CFAP52: variants seen among roughly 807,000 people sequenced by gnomAD.
CFAP52 encodes the protein cilia and flagella associated protein 52, also known as cilia- and flagella-associated protein 52.
Under a neutral mutation model 70.5 loss-of-function variants are expected in CFAP52, and 57 were observed. The observed-to-expected ratio is 0.81, with a 90% confidence interval of 0.65 to 1.01. The LOEUF (loss-of-function observed/expected upper bound fraction) is 1.01. Among genes scored for constraint, CFAP52 ranks in the 50% least tolerant of loss-of-function variants. The pLI is 0.00. For missense variants in CFAP52, 785 were observed against 788.5 expected (o/e 1.00, Z 0.05); for synonymous variants, 267 against 292.5 (o/e 0.91, Z 0.89).
chr17:9,616,086 A>T (rs1240724295), intron 8 of CFAP52, among the ~76,000 whole-genome samples: 1 of 150,714 alleles, frequency 6.6e-6, no homozygotes, highest in Non-Finnish European at 1.5e-5. Flanking sequence ...CATCTGAGGT[A>T]CCGGGTTCAT....
At position 9,585,974 on chromosome 17, in the gene CFAP52, T is replaced by C; in HGVS notation, c.270+2T>C. 1 of 1,613,496 alleles carries C rather than the reference T, an allele frequency of 6.2e-7. No homozygotes were observed. Reference sequence around the variant, plus strand: ...CAAGTCACATTCATGGGGTTCAAGGTGAATACAGTGAAAACGACTCATTGT... The same window carrying C: ...CAAGTCACATTCATGGGGTTCAAGGCGAATACAGTGAAAACGACTCATTGT... On this transcript the variant is annotated splice_donor_variant, in intron 2 of 13. Transcript: ENST00000352665. LOFTEE classifies it high-confidence loss of function.
At chr17:9,629,095 T>G (rs1910350406) in intron 9 of CFAP52, among the ~76,000 whole-genome samples, 1 of 152,196 alleles carries the variant, frequency 6.6e-6, no homozygotes. Flanking sequence ...AGTTCAATTT[T>G]GAAAAGGAGT....
At chr17:9,613,162 A>C (rs140028264) in intron 8 of CFAP52, among the ~76,000 whole-genome samples, 224 of 151,180 alleles carry the variant, frequency 1.5e-3, no homozygotes, top group Middle Eastern at 0.01. Context: ...CTTTCCTGTC[A>C]TTTGTACCTC....
rs559346302 is a variant in CFAP52, at chr17:9,616,164, G to A, written c.1025+3685G>A. Among the ~76,000 whole-genome samples, 22 of 151,410 alleles carry A rather than the reference G, an allele frequency of 1.5e-4. No homozygotes were observed. The East Asian group carries it at 4.3e-3, about 30-fold the overall frequency. On this transcript the variant is annotated intron_variant, in intron 8 of 13. Transcript: ENST00000352665. ...CGCGCACCGTGCGCGAGCCGAAGCA[G>A]GTCGAGGCATTGCCTCACCTGGGAA...
intron 1 of CFAP52, among the ~76,000 whole-genome samples, chr17:9,580,449 A>C (rs901607916): frequency 1.3e-5 from 2 of 152,064 alleles, no homozygotes; most frequent in Admixed American, 6.6e-5. Flanking sequence ...GCACTTTGGG[A>C]GGTTGAGGCA....
chr17:9,631,030 G>GAA (rs764569895), intron 9 of CFAP52, among the ~76,000 whole-genome samples: 2,011 of 58,916 alleles, frequency 0.034, 34 homozygotes, highest in Middle Eastern at 0.07. Flanking sequence ...AAGAAAGAAA[G>GAA]AGAGAGAGAG....
chr17:9,590,505 GAA>G (rs1908697216), intron 3 of CFAP52: 1 of 162,940 alleles, frequency 6.1e-6, no homozygotes, highest in Non-Finnish European at 1.4e-5. Flanking sequence ...TGCAGCGAAA[GAA>G]AAGAGTTCCA....
At chr17:9,597,462 A>G (rs986195468) in intron 4 of CFAP52, 1 of 152,166 alleles carries the variant, frequency 6.6e-6, no homozygotes, top group Non-Finnish European at 1.5e-5. Context: ...TATGTATATA[A>G]ACATCATGAT....
At chr17:9,591,833 G>A (rs994136798) in intron 3 of CFAP52, among the ~76,000 whole-genome samples, 3 of 151,974 alleles carry the variant, frequency 2.0e-5, no homozygotes, top group South Asian at 2.1e-4. Flanking sequence ...AGTGGTGATC[G>A]TGCCACTGCA....
chr17:9,592,907 A>G (rs1908829665), intron 3 of CFAP52, among the ~76,000 whole-genome samples: 1 of 152,158 alleles, frequency 6.6e-6, no homozygotes, highest in South Asian at 2.1e-4. Flanking sequence ...TTTTTGGTTC[A>G]TCATCTAGTT....
chr17:9,627,872 C>G (rs1269178165), intron 8 of CFAP52, among the ~76,000 whole-genome samples: 1 of 152,146 alleles, frequency 6.6e-6, no homozygotes, highest in Non-Finnish European at 1.5e-5. Context: ...AGGCATGCAT[C>G]ACTACACCCA....
intron 6 of CFAP52, among the ~76,000 whole-genome samples, chr17:9,603,839 TA>T (rs1425326968): frequency 6.6e-6 from 1 of 152,032 alleles, no homozygotes; most frequent in African/African-American, 2.4e-5. Flanking sequence ...GTATAATTTT[TA>T]AAAAAAGAAA....
intron 1 of CFAP52, among the ~76,000 whole-genome samples, chr17:9,581,567 G>T (rs1237797776): frequency 2.0e-5 from 3 of 151,984 alleles, no homozygotes; most frequent in Non-Finnish European, 4.4e-5. Context: ...GGGACAGAGG[G>T]AGACAGAGAG....
chr17:9,592,774 T>G (rs1908821753), intron 3 of CFAP52, among the ~76,000 whole-genome samples: 1 of 152,234 alleles, frequency 6.6e-6, no homozygotes. Context: ...TGATGAACTT[T>G]GAGTCATTTC....
chr17:9,622,545 A>T (rs568438299), intron 8 of CFAP52, among the ~76,000 whole-genome samples: 93 of 144,590 alleles, frequency 6.4e-4, no homozygotes, highest in African/African-American at 2.0e-3. Flanking sequence ...TGTTTCTATT[A>T]AAAAAAAAAG....
intron 9 of CFAP52, among the ~76,000 whole-genome samples, chr17:9,630,578 C>T (rs1337613743): frequency 6.7e-6 from 1 of 149,702 alleles, no homozygotes; most frequent in African/African-American, 2.5e-5. Flanking sequence ...TACAGGCGCC[C>T]GCTACCACGC....
At chr17:9,641,880 G>A (rs761589218) in intron 13 of CFAP52, 45 bp downstream of exon 13, 32 of 1,544,438 alleles carry the variant, frequency 2.1e-5, no homozygotes, top group East Asian at 1.4e-4. Context: ...TTATTTAGAC[G>A]AGGACATGGA....
chr17:9,584,339 C>A, intron 1 of CFAP52: 2 of 1,290,256 alleles, frequency 1.6e-6, no homozygotes, highest in Non-Finnish European at 2.0e-6. Context: ...AGAGGTGTCA[C>A]CATGAAAGGT....
intron 4 of CFAP52, among the ~76,000 whole-genome samples, chr17:9,596,049 A>ATATGTGTGTG: frequency 2.5e-5 from 1 of 39,312 alleles, no homozygotes; most frequent in African/African-American, 6.9e-5. Flanking sequence ...ATGTAGATAT[A>ATATGTGTGTG]TATGTGTGTG....
Sources: allele counts gnomAD v4.1 joint callset (sites outside exome capture counted in the v4.1 genomes callset), GRCh38; gene constraint gnomAD v4.1.1; transcripts MANE v1.5; gene names NCBI Gene and HGNC (gene_info 2026-07-23, HGNC 2026-07-21).